The following PDE2A variants were observed in gnomAD, a reference collection of about 807,000 sequenced individuals.
The protein encoded by PDE2A is cGMP-dependent 3',5'-cyclic phosphodiesterase.
A neutral mutation model predicts 133.6 loss-of-function variants in PDE2A; 53 were observed. The observed-to-expected ratio is 0.40, with a 90% CI of 0.32 to 0.50. PDE2A has a LOEUF of 0.50. Ranked by LOEUF, PDE2A falls within the 20% of genes least tolerant of loss-of-function variation. The pLI is 0.73. For missense variants in PDE2A, 796 were observed against 1,232.4 expected, an observed-to-expected ratio of 0.65 and a Z score of 5.30; for synonymous variants, 491 against 490.2, an observed-to-expected ratio of 1.00 and a Z score of -0.02.
chr11:72,597,544 G>C lies in PDE2A; in HGVS notation c.399C>G (p.Ala133=). Residue 133 remains alanine, a synonymous_variant, in exon 5 of 31, where the codon GCC becomes GCG. Transcript: ENST00000334456. The surrounding 1 kb of genome is among the most constrained non-coding windows in gnomAD (Gnocchi z 4.6). ...GFSDLPGKPL[A]RLVAPLAPDT... is the part of the protein sequence containing the mutation. ...CAGGAGCCAGTGGAGCCACCAGCCT[G>C]GCCAAGGGCTTCCCTGGCAGGTCTG... 1.2e-6 allele frequency: 2 copies of C among 1,610,554 alleles called. No homozygotes were observed. Among genetic ancestry groups the C allele is most frequent in the Non-Finnish European group, 1.7e-6 (2 of 1,179,468 alleles).
chr11:72,648,143 C>T (rs143490156), intron 1 of PDE2A, among the ~76,000 whole-genome samples: 172 of 152,290 alleles, frequency 1.1e-3, no homozygotes, highest in African/African-American at 4.1e-3. Flanking sequence ...GCAAGTCACA[C>T]ACAGCCTCTC....
chr11:72,584,809 C>G (rs1226628149), intron 17 of PDE2A, 63 bp downstream of exon 17: 2 of 1,609,932 alleles, frequency 1.2e-6, no homozygotes, highest in African/African-American at 1.3e-5. Context: ...GGGCCGCTCC[C>G]CAGCGCCGCC....
chr11:72,615,070 C>T (rs1160905208), intron 2 of PDE2A: 2 of 513,126 alleles, frequency 3.9e-6, no homozygotes, highest in Non-Finnish European at 4.1e-6. Context: ...GTTGTTACTC[C>T]AACAGGGCCG....
chr11:72,599,357 C>T (rs1481189671), intron 4 of PDE2A, among the ~76,000 whole-genome samples: 2 of 152,076 alleles, frequency 1.3e-5, no homozygotes, highest in African/African-American at 4.8e-5. Flanking sequence ...TGGAGCCTCC[C>T]CACCACGTCC....
chr11:72,672,681 A>G (rs1471362037), intron 1 of PDE2A, among the ~76,000 whole-genome samples: 1 of 151,814 alleles, frequency 6.6e-6, no homozygotes, highest in Non-Finnish European at 1.5e-5. Context: ...GCCTTTGCTT[A>G]TGCAGTTCCC....
At chr11:72,598,710 C>G in intron 4 of PDE2A, 1 of 1,278,038 alleles carries the variant, frequency 7.8e-7, no homozygotes, top group Non-Finnish European at 1.0e-6. Context: ...CTGCAAGTCA[C>G]GAGATCACTA....
chr11:72,655,502 T>C (rs1286527824), intron 1 of PDE2A, among the ~76,000 whole-genome samples: 1 of 148,884 alleles, frequency 6.7e-6, no homozygotes, highest in Non-Finnish European at 1.5e-5. Flanking sequence ...TGTGTGTGTG[T>C]GCACGCACGT....
At chr11:72,599,628 C>A (rs933876407) in intron 4 of PDE2A, among the ~76,000 whole-genome samples, 36 of 152,226 alleles carry the variant, frequency 2.4e-4, no homozygotes, top group African/African-American at 8.7e-4. Context: ...CTCCCCAAGC[C>A]TCTAGCCTCC....
intron 14 of PDE2A, 87 bp downstream of exon 14, chr11:72,585,983 G>C (rs1008121175): frequency 1.2e-6 from 1 of 806,350 alleles, no homozygotes; most frequent in African/African-American, 1.7e-5. Context: ...AGTCCAGAAA[G>C]ACATGGGCAT....
At chr11:72,649,925 C>T (rs1231948465) in intron 1 of PDE2A, among the ~76,000 whole-genome samples, 1 of 152,100 alleles carries the variant, frequency 6.6e-6, no homozygotes, top group South Asian at 2.1e-4. Flanking sequence ...GGAAAAGGAG[C>T]TCTTGCTTCT....
chr11:72,623,772 G>A (rs1273328558), intron 2 of PDE2A, among the ~76,000 whole-genome samples: 1 of 152,100 alleles, frequency 6.6e-6, no homozygotes, highest in Non-Finnish European at 1.5e-5. Flanking sequence ...TTATCAGCAA[G>A]TTCTGTCATT....
Position 72,579,534 on chromosome 11 carries a change from C to T in PDE2A, c.2256G>A (p.Lys752=), listed in dbSNP as rs1855621156. The T allele has an allele frequency of 6.3e-7, 1 of 1,598,484 alleles. No individual in the cohort carries two copies. The highest frequency in any genetic ancestry group is 8.6e-7 in the Non-Finnish European group (1 of 1,168,108). Reference sequence around the variant, plus strand: ...CCCACCCCACCCCCAACCCCATCACCTTCCGGGAGAAATGATCAAAGATGT... The same window carrying T: ...CCCACCCCACCCCCAACCCCATCACTTTCCGGGAGAAATGATCAAAGATGT... ...GCNIFDHFSR[K]DYQRMLDLMR... Residue 752 remains lysine, a splice_region_variant and synonymous_variant, in exon 26 of 31, where the codon AAG becomes AAA. Transcript: ENST00000334456.
intron 6 of PDE2A, among the ~76,000 whole-genome samples, chr11:72,594,154 G>T (rs961746697): frequency 1.3e-5 from 2 of 152,204 alleles, no homozygotes; most frequent in Non-Finnish European, 2.9e-5. Flanking sequence ...ACATACAGTG[G>T]GTACTCAAGA....
At chr11:72,654,846 C>T (rs941696456) in intron 1 of PDE2A, among the ~76,000 whole-genome samples, 1 of 152,222 alleles carries the variant, frequency 6.6e-6, no homozygotes, top group Non-Finnish European at 1.5e-5. Context: ...CTGAGGTGGG[C>T]TTGCCTCACA....
rs367863626 is a variant in PDE2A at position 72,579,611 on chromosome 11, G to C, written c.2182-3C>G. 6.2e-7 allele frequency: 1 copy of C among 1,608,768 alleles called. No individual in the cohort carries two copies. The highest frequency in any genetic ancestry group is 8.5e-7 in the Non-Finnish European group (1 of 1,176,750). ...ATGGCCTGAGCAAAGTGGTGCCTCT[G>C]GGGGGAGAGGAGTGATGGGGGCCCA... On this transcript the variant is annotated splice_polypyrimidine_tract_variant and splice_region_variant and intron_variant, in intron 25 of 30. Transcript: ENST00000334456.
intron 2 of PDE2A, 114 bp from the exon 3 acceptor site, chr11:72,608,865 A>G: frequency 1.5e-6 from 1 of 649,504 alleles, no homozygotes; most frequent in South Asian, 1.7e-5. Flanking sequence ...CGAGTCTTTC[A>G]GGCACAGGAA....
Position 72,644,208 on chromosome 11 carries a change from G to A in PDE2A, c.72-1882C>T, listed in dbSNP as rs1322285200. 2.6e-5 allele frequency among the ~76,000 whole-genome samples: 4 copies of A among 152,116 alleles called. No individual in the cohort carries two copies. The East Asian group carries it at 5.8e-4, about 22-fold the overall frequency. On this transcript the variant is annotated intron_variant, in intron 1 of 30. Transcript: ENST00000334456. ...ATCCCTCTGGGTAGCCCTTTTTTGT[G>A]TCTTTCCTGGGAGTCACATCTGGGG...
At chr11:72,638,061 C>G (rs1330961087) in intron 2 of PDE2A, among the ~76,000 whole-genome samples, 2 of 152,024 alleles carry the variant, frequency 1.3e-5, no homozygotes, top group Non-Finnish European at 2.9e-5. Context: ...CCAGGGGGGT[C>G]ATTAATAATC....
chr11:72,636,344 T>C (rs776403791), intron 2 of PDE2A, among the ~76,000 whole-genome samples: 3 of 152,278 alleles, frequency 2.0e-5, no homozygotes, highest in Non-Finnish European at 2.9e-5. Context: ...TTTTGGAATG[T>C]ACTCAGACAT....
Sources: gnomAD v4.1 joint callset for allele counts (sites outside exome capture counted in the v4.1 genomes callset) on GRCh38, gnomAD v4.1.1 for gene constraint, Gnocchi (gnomAD v3.1) non-coding constraint, MANE v1.5 for transcripts, NCBI Gene and HGNC (gene_info 2026-07-23, HGNC 2026-07-21) for gene names.